Variants in ZNF540 observed in about 807,000 individuals in gnomAD.
ZNF540 encodes CTD-3064H18.6.
A neutral mutation model predicts 11.8 loss-of-function variants in ZNF540; 3 were observed. The observed-to-expected ratio is 0.25, with a 90% CI of 0.12 to 0.65. The LOEUF (loss-of-function observed/expected upper bound fraction) is 0.65, where lower values mean the gene tolerates loss of function less well. Among genes scored for constraint, ZNF540 ranks in the 30% least tolerant of loss-of-function variants. The probability of loss-of-function intolerance (pLI) is 0.83; values close to 1 mark genes in which losing one functional copy is unlikely to be tolerated. For missense variants in ZNF540, 709 were observed against 793.1 expected, an observed-to-expected ratio of 0.89 and a Z score of 1.27; for synonymous variants, 247 against 259.0, an observed-to-expected ratio of 0.95 and a Z score of 0.45.
At chr19:37,567,362 G>A (rs2147154951) in intron 1 of ZNF540, among the ~76,000 whole-genome samples, 3 of 152,240 alleles carry the variant, frequency 2.0e-5, no homozygotes, top group Middle Eastern at 6.8e-3. Context: ...CTCCTTAGAT[G>A]CTTCTCATAA....
At chr19:37,601,268 G>A in intron 4 of ZNF540, 163 bp downstream of exon 4, 1 of 505,230 alleles carries the variant, frequency 2.0e-6, no homozygotes, top group South Asian at 4.0e-5. Flanking sequence ...GATCATCTGA[G>A]CATGAACTAT....
At chr19:37,582,565 A>G (rs1027710255) in intron 1 of ZNF540, among the ~76,000 whole-genome samples, 1 of 152,028 alleles carries the variant, frequency 6.6e-6, no homozygotes, top group Non-Finnish European at 1.5e-5. Context: ...GTAATCCCAT[A>G]TTTATCTCTT....
intron 1 of ZNF540, among the ~76,000 whole-genome samples, chr19:37,582,458 A>G (rs572907517): frequency 2.3e-4 from 35 of 152,246 alleles, no homozygotes; most frequent in African/African-American, 8.4e-4. Context: ...TCCTGACTGA[A>G]TGTTGGAACA....
intron 1 of ZNF540, among the ~76,000 whole-genome samples, chr19:37,596,214 CTT>C (rs1456321752): frequency 3.9e-5 from 6 of 152,182 alleles, no homozygotes; most frequent in Admixed American, 6.5e-5. Context: ...TTTCTTCCCT[CTT>C]GTTTGAAGAT....
In ZNF540 at chr19:37,612,032, C is replaced by T. The variant is rs144253894; in HGVS notation, c.752C>T (p.Thr251Ile). 14 of 1,613,390 alleles carry T rather than the reference C, an allele frequency of 8.7e-6. No homozygotes were observed. In the African/African-American group the frequency reaches 1.3e-4, roughly 15 times the overall value. The change falls in exon 5 of 5, where the codon ACC (threonine) becomes ATC (isoleucine). Residue 251 changes from threonine to isoleucine, a missense_variant. Physicochemically the swap from Thr to Ile is moderately conservative, Grantham distance 89. Coordinates refer to ENST00000316433, the MANE Select transcript of ZNF540 (RefSeq NM_001172225.3). ...TATGAATGTCAAGAATGTGGGAAGA[C>T]CTTTACTCTTTACCCACAACTTAAT... ...KPYECQECGK[T>I]FTLYPQLNRH...
At chr19:37,565,535 T>G (rs371497383) in intron 1 of ZNF540, 10 of 1,613,704 alleles carry the variant, frequency 6.2e-6, no homozygotes, top group African/African-American at 1.3e-5. Context: ...ATGAATTCTC[T>G]GATGGTAAGT....
intron 1 of ZNF540, among the ~76,000 whole-genome samples, chr19:37,574,357 A>G (rs1192924791): frequency 6.6e-6 from 1 of 152,106 alleles, no homozygotes; most frequent in Non-Finnish European, 1.5e-5. Context: ...CTTTAACTCA[A>G]ATCAACAAAA....
At chr19:37,571,723 G>C (rs1248571022) in intron 1 of ZNF540, among the ~76,000 whole-genome samples, 2 of 152,116 alleles carry the variant, frequency 1.3e-5, no homozygotes, top group Non-Finnish European at 2.9e-5. Context: ...ATATGTTGAG[G>C]AGCATCTGTA....
upstream of ZNF540, among the ~76,000 whole-genome samples, chr19:37,592,972 TATCTGGATCCAG>T (rs1235837072): frequency 6.6e-6 from 1 of 152,248 alleles, no homozygotes; most frequent in Non-Finnish European, 1.5e-5. Flanking sequence ...GTGTGGACTC[TATCTGGATCCAG>T]ATTTGAACAC....
intron 4 of ZNF540, among the ~76,000 whole-genome samples, chr19:37,603,204 A>C (rs779661114): frequency 5.3e-5 from 8 of 152,028 alleles, no homozygotes; most frequent in Non-Finnish European, 5.9e-5. Flanking sequence ...ACGGGGTCTC[A>C]CTATGTTGGC....
chr19:37,581,651 T>A lies in ZNF540; in HGVS notation c.-72-16725T>A, dbSNP rs117289310. Among the ~76,000 whole-genome samples, 239 of 151,980 alleles carry A rather than the reference T, an allele frequency of 1.6e-3. 2 individuals are homozygous for A. The East Asian group carries it at 0.024, about 15-fold the overall frequency. ...TGCTAATTTTTATTTTAAGTAGAGA[T>A]GGGGTTTTGCTATGTTGCCCAGGCT... On this transcript the variant is annotated intron_variant, in intron 1 of 4. Transcript: ENST00000592533.
chr19:37,598,306 AT>A, intron 1 of ZNF540, 69 bp from the exon 2 acceptor site: 1 of 771,854 alleles, frequency 1.3e-6, no homozygotes, highest in Non-Finnish European at 2.2e-6. Context: ...AAGATTATTA[AT>A]TTATATCATA....
chr19:37,578,284 G>C (rs1378129414), intron 1 of ZNF540, among the ~76,000 whole-genome samples: 1 of 152,182 alleles, frequency 6.6e-6, no homozygotes, highest in Non-Finnish European at 1.5e-5. Flanking sequence ...ACAGAGAACA[G>C]AGAGACAAGC....
chr19:37,566,076 C>A (rs1166757431), intron 1 of ZNF540: 2 of 1,613,956 alleles, frequency 1.2e-6, no homozygotes, highest in Admixed American at 1.7e-5. Context: ...CTTTCAGTGG[C>A]CTTTTCTTCA....
At chr19:37,571,024 A>G (rs113212964) in intron 1 of ZNF540, among the ~76,000 whole-genome samples, 1 of 152,206 alleles carries the variant, frequency 6.6e-6, no homozygotes, top group Non-Finnish European at 1.5e-5. Flanking sequence ...TATGAGGAAT[A>G]ATTATAACAA....
At chr19:37,565,260 G>T in intron 1 of ZNF540, 2 of 1,611,738 alleles carry the variant, frequency 1.2e-6, no homozygotes, top group East Asian at 2.2e-5. Flanking sequence ...CATTTATAAG[G>T]TCTCTCACCT....
chr19:37,568,034 A>G (rs907823589), intron 1 of ZNF540, among the ~76,000 whole-genome samples: 2 of 152,312 alleles, frequency 1.3e-5, no homozygotes, highest in Middle Eastern at 3.4e-3. Context: ...AATAGTGACA[A>G]GTTTACACAA....
chr19:37,560,992 A>C (rs888447992), intron 1 of ZNF540: 1 of 142,612 alleles, frequency 7.0e-6, no homozygotes, highest in Admixed American at 7.6e-5. Context: ...CAGGAGGATC[A>C]CTTGAAGCCC....
intron 1 of ZNF540, among the ~76,000 whole-genome samples, chr19:37,581,423 A>T (rs1246421897): frequency 4.6e-5 from 7 of 150,726 alleles, no homozygotes; most frequent in Non-Finnish European, 5.9e-5. Flanking sequence ...ATTTACCTTT[A>T]TACCACCCCT....
Sources: allele counts gnomAD v4.1 joint callset (sites outside exome capture counted in the v4.1 genomes callset), GRCh38; gene constraint gnomAD v4.1.1; transcripts MANE v1.5; gene names NCBI Gene and HGNC (gene_info 2026-07-23, HGNC 2026-07-21).